The following SAMD3 variants were observed in gnomAD, a reference collection of about 807,000 sequenced individuals.
The protein encoded by SAMD3 is sterile alpha motif domain containing 3.
SAMD3 carries 63 observed loss-of-function variants against 58.5 expected under a neutral mutation model. That is an observed-to-expected ratio of 1.08 (90% CI 0.88 to 1.33). The LOEUF (loss-of-function observed/expected upper bound fraction) is 1.33, where lower values mean the gene tolerates loss of function less well. SAMD3 is among the 40% of genes most tolerant of loss of function. The pLI, the probability that SAMD3 is intolerant of heterozygous loss-of-function variation, is 0.00. For synonymous variants in SAMD3, 220 were observed against 210.3 expected, an observed-to-expected ratio of 1.05 and a Z score of -0.40; for missense variants, 604 against 608.4, an observed-to-expected ratio of 0.99 and a Z score of 0.08.
At chr6:130,157,567 A>G (rs1393302570) in intron 8 of SAMD3, among the ~76,000 whole-genome samples, 2 of 152,106 alleles carry the variant, frequency 1.3e-5, no homozygotes, top group African/African-American at 4.8e-5. Flanking sequence ...GGCTTAAGTG[A>G]TCTGCTACCT....
chr6:130,203,864 TC>T (rs1794849129), intron 5 of SAMD3, among the ~76,000 whole-genome samples: 1 of 152,216 alleles, frequency 6.6e-6, no homozygotes, highest in South Asian at 2.1e-4. Context: ...CCTTGCAGCT[TC>T]CCTTTATTAC....
chr6:130,363,937 G>C (rs988067276), intron 1 of SAMD3, among the ~76,000 whole-genome samples: 1 of 152,190 alleles, frequency 6.6e-6, no homozygotes, highest in African/African-American at 2.4e-5. Context: ...TTCACTGTCA[G>C]ATGGGAAGAT....
chr6:130,191,855 C>G (rs1160784756), intron 5 of SAMD3, among the ~76,000 whole-genome samples: 1 of 152,196 alleles, frequency 6.6e-6, no homozygotes, highest in East Asian at 1.9e-4. Context: ...TTTGTACTCT[C>G]TTATTATCAA....
intron 2 of SAMD3, among the ~76,000 whole-genome samples, chr6:130,246,657 G>A (rs1292486465): frequency 6.6e-6 from 1 of 152,184 alleles, no homozygotes; most frequent in Non-Finnish European, 1.5e-5. Flanking sequence ...TTGGGAAGCT[G>A]AGGCGGGTGG....
chr6:130,351,140 C>T (rs1022639218), intron 1 of SAMD3, among the ~76,000 whole-genome samples: 1 of 152,086 alleles, frequency 6.6e-6, no homozygotes, highest in Non-Finnish European at 1.5e-5. Context: ...AAAACCTAGG[C>T]GATACCACTC....
At chr6:130,248,126 G>A (rs1170614692) in intron 2 of SAMD3, among the ~76,000 whole-genome samples, 1 of 151,466 alleles carries the variant, frequency 6.6e-6, no homozygotes, top group Non-Finnish European at 1.5e-5. Flanking sequence ...GTATACTTTT[G>A]ATCACCCTGT....
chr6:130,263,596 T>C (rs1213202505), intron 2 of SAMD3, among the ~76,000 whole-genome samples: 1 of 152,200 alleles, frequency 6.6e-6, no homozygotes, highest in Non-Finnish European at 1.5e-5. Flanking sequence ...ATTTAACTCG[T>C]TTCATCTACG....
intron 2 of SAMD3, among the ~76,000 whole-genome samples, chr6:130,282,171 G>A (rs1028281939): frequency 3.3e-5 from 5 of 152,042 alleles, no homozygotes; most frequent in Non-Finnish European, 7.4e-5. Context: ...CGTGCAGGGA[G>A]ATGGGGGGTA....
intron 2 of SAMD3, among the ~76,000 whole-genome samples, chr6:130,236,299 G>A (rs1168499732): frequency 2.0e-5 from 3 of 152,056 alleles, no homozygotes; most frequent in African/African-American, 7.2e-5. Flanking sequence ...AGCATGAAGT[G>A]ACAAAGACAG....
rs1404808495 is a variant in SAMD3, at chr6:130,214,504, A to G, written c.102T>C (p.Ala34=). The G allele has an allele frequency of 6.2e-7, 1 of 1,600,808 alleles. No homozygotes were observed. The highest frequency in any genetic ancestry group is 8.5e-7 in the Non-Finnish European group (1 of 1,174,328). ...CCATCCGATCATTAAGTGCAAGAAG[A>G]GCGGCCCCACTTACTTCTTCCTCTG... The part of the protein sequence containing the change: ...RFQEEEVSGA[A]LLALNDRMVQ... Residue 34 remains alanine, a synonymous_variant, in exon 4 of 12, where the codon GCT becomes GCC. Transcript: ENST00000439090.
chr6:130,171,833 G>T (rs890540137), intron 8 of SAMD3, among the ~76,000 whole-genome samples: 1 of 152,192 alleles, frequency 6.6e-6, no homozygotes, highest in Non-Finnish European at 1.5e-5. Context: ...CTATTATTGT[G>T]TGGGAGTCTA....
At chr6:130,206,615 C>T (rs1795103976) in intron 5 of SAMD3, among the ~76,000 whole-genome samples, 1 of 152,164 alleles carries the variant, frequency 6.6e-6, no homozygotes, top group Non-Finnish European at 1.5e-5. Context: ...GATAAGTTTA[C>T]TTTTTGAAAC....
intron 2 of SAMD3, among the ~76,000 whole-genome samples, chr6:130,281,443 A>G (rs1475813315): frequency 6.6e-6 from 1 of 152,098 alleles, no homozygotes; most frequent in African/African-American, 2.4e-5. Context: ...CAGAGCCCAC[A>G]TTTTCCAAAA....
chr6:130,324,105 T>C (rs1020886054), intron 1 of SAMD3, among the ~76,000 whole-genome samples: 9 of 152,190 alleles, frequency 5.9e-5, no homozygotes, highest in African/African-American at 2.2e-4. Flanking sequence ...TAAATAAACC[T>C]TCAAAATGTC....
At chr6:130,185,649 T>A (rs1171460473) in intron 5 of SAMD3, among the ~76,000 whole-genome samples, 2 of 148,604 alleles carry the variant, frequency 1.3e-5, no homozygotes, top group African/African-American at 5.0e-5. Context: ...TTTTTTTTTT[T>A]AGACAGAGTC....
At chr6:130,164,120 C>G (rs966241512) in intron 8 of SAMD3, among the ~76,000 whole-genome samples, 2 of 149,850 alleles carry the variant, frequency 1.3e-5, no homozygotes, top group African/African-American at 2.4e-5. Flanking sequence ...GTTAACCTCT[C>G]TAAAGAAATT....
intron 9 of SAMD3, among the ~76,000 whole-genome samples, chr6:130,148,149 C>G (rs975553813): frequency 2.6e-5 from 4 of 152,190 alleles, no homozygotes; most frequent in Non-Finnish European, 5.9e-5. Context: ...GAATCAAGTA[C>G]TACTACAATA....
At chr6:130,152,503 C>G (rs1789307306) in intron 9 of SAMD3, among the ~76,000 whole-genome samples, 1 of 151,974 alleles carries the variant, frequency 6.6e-6, no homozygotes, top group East Asian at 1.9e-4. Flanking sequence ...ATGGTGAAAC[C>G]CCATCTCTAC....
chr6:130,273,230 G>A (rs944714458), intron 2 of SAMD3, among the ~76,000 whole-genome samples: 1 of 151,940 alleles, frequency 6.6e-6, no homozygotes, highest in East Asian at 1.9e-4. Context: ...ATATCTTCCT[G>A]ATGAAGAGAC....
Sources: gnomAD v4.1 joint callset for allele counts (sites outside exome capture counted in the v4.1 genomes callset) on GRCh38, gnomAD v4.1.1 for gene constraint, MANE v1.5 for transcripts, NCBI Gene and HGNC (gene_info 2026-07-23, HGNC 2026-07-21) for gene names.